Variants in HTR4 observed in about 807,000 individuals in gnomAD.
The protein encoded by HTR4 is 5-hydroxytryptamine (serotonin) receptor 4, G protein-coupled.
A neutral mutation model predicts 36.8 loss-of-function variants in HTR4; 16 were observed. That is an observed-to-expected ratio of 0.43 (90% CI 0.29 to 0.66). HTR4 has a LOEUF of 0.66. Ranked by LOEUF, HTR4 falls within the 30% of genes least tolerant of loss-of-function variation. HTR4 has a pLI of 0.13. For synonymous variants in HTR4, 189 were observed against 185.1 expected (o/e 1.02, Z -0.17); for missense variants, 438 against 490.9 (o/e 0.89, Z 1.02).
At chr5:148,454,878 G>GC (rs1755061986) in intron 5 of HTR4, among the ~76,000 whole-genome samples, 1 of 152,162 alleles carries the variant, frequency 6.6e-6, no homozygotes, top group Non-Finnish European at 1.5e-5. Flanking sequence ...TTGCCCCTGA[G>GC]CAGCATTGCT....
Position 148,509,755 on chromosome 5 carries a change from C to G in HTR4, c.777G>C (p.Lys259Asn). The stretch of plus-strand genomic sequence containing the variant: ...AGCAACCCATGATGATGCACAGGGT[C>G]TTGGCTGCTTTGGTCTCTGTCCTCA... ...HRMRTETKAA[K>N]TLCIIMGCFC... Residue 259 changes from lysine (K) to asparagine (N), a missense_variant, in exon 6 of 7, where the codon AAG (lysine) becomes AAC (asparagine). Coordinates refer to ENST00000377888, the MANE Select transcript of HTR4 (RefSeq NM_000870.7). The G allele has an allele frequency of 6.2e-7, 1 of 1,614,056 alleles. No individual in the cohort carries two copies. Among genetic ancestry groups the G allele is most frequent in the Non-Finnish European group, 8.5e-7 (1 of 1,180,004 alleles).
intron 2 of HTR4, among the ~76,000 whole-genome samples, chr5:148,605,251 CT>C (rs954236483): frequency 1.5e-4 from 15 of 101,438 alleles, no homozygotes; most frequent in South Asian, 6.0e-4. Flanking sequence ...CTTTTCTTTT[CT>C]TTTCTTTTTT....
intron 5 of HTR4, among the ~76,000 whole-genome samples, chr5:148,455,612 G>C (rs1755082601): frequency 6.6e-6 from 1 of 152,100 alleles, no homozygotes; most frequent in African/African-American, 2.4e-5. Context: ...TAAGCAGATG[G>C]GCACGTTTTC....
chr5:148,625,088 G>C (rs867740853), intron 2 of HTR4, among the ~76,000 whole-genome samples: 3 of 152,152 alleles, frequency 2.0e-5, no homozygotes, highest in Admixed American at 1.3e-4. Flanking sequence ...TGAGGTGCAA[G>C]TAGGAAATTG....
intron 2 of HTR4, among the ~76,000 whole-genome samples, chr5:148,583,611 C>CCAT (rs112185238): frequency 0.28 from 41,271 of 147,820 alleles, 7,033 homozygotes; most frequent in Non-Finnish European, 0.37. Flanking sequence ...ATACTAATTG[C>CCAT]CATCATCATC....
At chr5:148,514,203 A>G (rs1296298280) in intron 5 of HTR4, among the ~76,000 whole-genome samples, 2 of 152,114 alleles carry the variant, frequency 1.3e-5, no homozygotes, top group African/African-American at 2.4e-5. Context: ...ATGAGCCTTC[A>G]ATAATTTACT....
chr5:148,590,192 G>A (rs1032943166), intron 2 of HTR4, among the ~76,000 whole-genome samples: 15 of 150,840 alleles, frequency 9.9e-5, no homozygotes, highest in African/African-American at 3.6e-4. Flanking sequence ...CCCTGTAATT[G>A]AAAATGGTAT....
chr5:148,635,223 T>C (rs1753489258), intron 2 of HTR4, among the ~76,000 whole-genome samples: 1 of 152,200 alleles, frequency 6.6e-6, no homozygotes, highest in East Asian at 1.9e-4. Context: ...CCTAAATTCA[T>C]TATGTATTCC....
At chr5:148,559,320 G>C (rs1760089566) in intron 2 of HTR4, among the ~76,000 whole-genome samples, 1 of 152,110 alleles carries the variant, frequency 6.6e-6, no homozygotes, top group Non-Finnish European at 1.5e-5. Flanking sequence ...TATGTGTGTG[G>C]CTTCTTCATT....
At chr5:148,451,202 G>A (rs1470814579) in exon 6 of HTR4, 3 of 1,613,738 alleles carry the variant, frequency 1.9e-6, no homozygotes, top group Non-Finnish European at 2.5e-6. Context: ...CATGATTCCA[G>A]GGATTCTGGG....
chr5:148,519,438 T>C (rs1757910855), intron 5 of HTR4, among the ~76,000 whole-genome samples: 1 of 152,210 alleles, frequency 6.6e-6, no homozygotes, highest in African/African-American at 2.4e-5. Flanking sequence ...GCACAGCTGA[T>C]TCCATTGAGC....
At chr5:148,517,862 C>T (rs1186150659) in intron 5 of HTR4, among the ~76,000 whole-genome samples, 1 of 152,038 alleles carries the variant, frequency 6.6e-6, no homozygotes, top group Non-Finnish European at 1.5e-5. Context: ...AATGGCTTCC[C>T]ATTTTCCTCA....
Position 148,523,313 on chromosome 5 carries a change from A to G in HTR4, c.387T>C (p.Tyr129=), listed in dbSNP as rs146910658. ...YYAICCQPLV[Y]RNKMTPLRIA... is the part of the protein sequence containing the mutation. Reference sequence around the variant, plus strand: ...TGCGCAGAGGGGTCATCTTGTTCCTATAGACCAAAGGCTGGCAGCAGATGG... The same window carrying G: ...TGCGCAGAGGGGTCATCTTGTTCCTGTAGACCAAAGGCTGGCAGCAGATGG... Residue 129 remains tyrosine (Y), a synonymous_variant, in exon 5 of 7, where the codon TAT becomes TAC. Transcript: ENST00000377888. 1.9e-5 allele frequency: 31 copies of G among 1,612,548 alleles called. No individual in the cohort carries two copies. The highest frequency in any genetic ancestry group is 2.7e-5 in the African/African-American group (2 of 74,842).
At chr5:148,587,077 T>G (rs1022133832) in intron 2 of HTR4, among the ~76,000 whole-genome samples, 1 of 152,180 alleles carries the variant, frequency 6.6e-6, no homozygotes, top group Non-Finnish European at 1.5e-5. Flanking sequence ...TTGTCTCACC[T>G]CTGGCTGCTT....
chr5:148,479,945 C>T (rs1211290166), downstream of HTR4, among the ~76,000 whole-genome samples: 6 of 152,178 alleles, frequency 3.9e-5, no homozygotes, highest in Non-Finnish European at 8.8e-5. Flanking sequence ...CAATCATATA[C>T]ATAGACTATC....
chr5:148,610,693 C>A (rs1351695219), intron 2 of HTR4, among the ~76,000 whole-genome samples: 2 of 150,760 alleles, frequency 1.3e-5, no homozygotes, highest in East Asian at 3.9e-4. Context: ...CTTTGATGAG[C>A]TGAGAGAAGA....
At chr5:148,526,629 T>A (rs1465842640) in intron 4 of HTR4, among the ~76,000 whole-genome samples, 1 of 152,156 alleles carries the variant, frequency 6.6e-6, no homozygotes, top group Non-Finnish European at 1.5e-5. Flanking sequence ...TACCTAAGCA[T>A]TTATTAGTGG....
intron 4 of HTR4, among the ~76,000 whole-genome samples, chr5:148,531,417 C>T (rs1758560504): frequency 6.6e-6 from 1 of 152,150 alleles, no homozygotes; most frequent in African/African-American, 2.4e-5. Context: ...TACAAGCTCT[C>T]TTCTCTTGTC....
At chr5:148,495,683 G>A (rs1269229466) in intron 6 of HTR4, among the ~76,000 whole-genome samples, 2 of 152,228 alleles carry the variant, frequency 1.3e-5, no homozygotes, top group Admixed American at 6.5e-5. Flanking sequence ...ACAAGACTAT[G>A]TAGTCATACC....
Sources: gnomAD v4.1 joint callset for allele counts (sites outside exome capture counted in the v4.1 genomes callset) on GRCh38, gnomAD v4.1.1 for gene constraint, MANE v1.5 for transcripts, NCBI Gene and HGNC (gene_info 2026-07-23, HGNC 2026-07-21) for gene names.